ZNF680: variants seen among roughly 807,000 people sequenced by gnomAD.
ZNF680 encodes the protein hypothetical protein FLJ90430.
A neutral mutation model predicts 12.1 loss-of-function variants in ZNF680; 6 were observed. The ratio of observed to expected loss-of-function variants is 0.49; its 90% CI spans 0.27 to 0.98. The LOEUF is 0.98. ZNF680 is among the 50% of genes least tolerant of loss of function. The pLI, the probability that ZNF680 is intolerant of heterozygous loss-of-function variation, is 0.12. For missense variants in ZNF680, 561 were observed against 616.3 expected, an observed-to-expected ratio of 0.91 and a Z score of 0.95; for synonymous variants, 170 against 199.3, an observed-to-expected ratio of 0.85 and a Z score of 1.24.
downstream of ZNF680, among the ~76,000 whole-genome samples, chr7:64,515,597 A>G (rs534358552): frequency 2.0e-5 from 3 of 152,296 alleles, no homozygotes; most frequent in African/African-American, 2.4e-5. Context: ...GCAGGCACCA[A>G]TAAAAAAACA....
the ZNF680 span, among the ~76,000 whole-genome samples, chr7:64,513,899 C>T: frequency 6.6e-6 from 1 of 152,262 alleles, no homozygotes; most frequent in Admixed American, 6.5e-5. Context: ...CCTCCTAGGC[C>T]TCCCAAAGTG....
chr7:64,557,625 T>C (rs1295856742), intron 1 of ZNF680, among the ~76,000 whole-genome samples: 1 of 151,950 alleles, frequency 6.6e-6, no homozygotes, highest in Non-Finnish European at 1.5e-5. Context: ...CAATGGCTCA[T>C]GCCTGCAATC....
the ZNF680 span, among the ~76,000 whole-genome samples, chr7:64,509,665 G>A: frequency 6.6e-6 from 1 of 152,100 alleles, no homozygotes; most frequent in Non-Finnish European, 1.5e-5. Context: ...GGGTACCCTG[G>A]GAGCCTTTTG....
chr7:64,559,630 A>C (rs1787619491), intron 1 of ZNF680, among the ~76,000 whole-genome samples: 1 of 151,912 alleles, frequency 6.6e-6, no homozygotes. Context: ...ACAGGTGCCC[A>C]CTACCACATG....
chr7:64,559,844 C>T (rs1220237131), intron 1 of ZNF680, among the ~76,000 whole-genome samples: 1 of 151,994 alleles, frequency 6.6e-6, no homozygotes, highest in East Asian at 1.9e-4. Flanking sequence ...AAAAGTATTC[C>T]TTTTAGATAA....
intron 3 of ZNF680, among the ~76,000 whole-genome samples, chr7:64,534,003 C>T (rs969048172): frequency 2.0e-5 from 3 of 152,086 alleles, no homozygotes; most frequent in Non-Finnish European, 2.9e-5. Flanking sequence ...TCACCTTATA[C>T]AAAAATAAAC....
chr7:64,517,480 A>G (rs73128756), downstream of ZNF680, among the ~76,000 whole-genome samples: 34,273 of 151,972 alleles, frequency 0.23, 4,055 homozygotes, highest in South Asian at 0.28. Context: ...AAAGAAGTCC[A>G]AGACCAGACA....
At chr7:64,508,546 C>A in the ZNF680 span, among the ~76,000 whole-genome samples, 1 of 152,030 alleles carries the variant, frequency 6.6e-6, no homozygotes, top group Non-Finnish European at 1.5e-5. Flanking sequence ...ATGAAACAGA[C>A]GGGAATTACT....
chr7:64,547,438 C>A (rs1786843493), intron 1 of ZNF680, among the ~76,000 whole-genome samples: 1 of 152,212 alleles, frequency 6.6e-6, no homozygotes, highest in Admixed American at 6.5e-5. Context: ...TGGAAAACAA[C>A]ATGTACACAT....
intron 1 of ZNF680, among the ~76,000 whole-genome samples, chr7:64,560,115 GT>G (rs35323758): frequency 0.62 from 76,282 of 123,260 alleles, 21,477 homozygotes; most frequent in Middle Eastern, 0.74. Context: ...TTTCTTTTCT[GT>G]TTTTTTTTTT....
chr7:64,507,071 C>A, the ZNF680 span, among the ~76,000 whole-genome samples: 1 of 152,070 alleles, frequency 6.6e-6, no homozygotes, highest in Non-Finnish European at 1.5e-5. Flanking sequence ...TATATTAATT[C>A]TTTTAAAAAT....
At chr7:64,502,615 T>C in the ZNF680 span, among the ~76,000 whole-genome samples, 12 of 152,218 alleles carry the variant, frequency 7.9e-5, no homozygotes, top group East Asian at 1.9e-3. Flanking sequence ...ATACTGTGGG[T>C]TATTTTGTTA....
chr7:64,543,651 G>A (rs1786622537), intron 3 of ZNF680, 56 bp downstream of exon 3: 2 of 1,424,452 alleles, frequency 1.4e-6, no homozygotes, highest in Non-Finnish European at 1.9e-6. Context: ...CTTTCTCTTT[G>A]ACATCTGGAC....
At chr7:64,546,322 CCT>C (rs559692435) in intron 1 of ZNF680, among the ~76,000 whole-genome samples, 56 of 152,228 alleles carry the variant, frequency 3.7e-4, no homozygotes, top group South Asian at 2.5e-3. Flanking sequence ...GTCAGCACCC[CCT>C]GTTTACCTGC....
intron 1 of ZNF680, among the ~76,000 whole-genome samples, chr7:64,545,263 CAAAAAAAAAAAAAAAAA>C (rs532422147): frequency 3.8e-4 from 34 of 89,716 alleles, no homozygotes; most frequent in Non-Finnish European, 2.5e-4. Context: ...GACTCCATCT[CAAAAAAAAAAAAAAAAA>C]AAAAAAAAAA....
Position 64,557,799 on chromosome 7 carries a change from T to C in ZNF680, c.30+5126A>G, listed in dbSNP as rs148156093. On this transcript the variant is annotated intron_variant, in intron 1 of 3. Transcript: ENST00000309683. The stretch of plus-strand genomic sequence containing the variant: ...AGTTACTCAGAAGGCTGAGGCAGAA[T>C]TGCTTGAACCCCGGAGGCGGAGGAC... 2.9e-3 allele frequency among the ~76,000 whole-genome samples: 434 copies of C among 152,200 alleles called. 1 individual carries two copies. The highest frequency in any genetic ancestry group is 0.01 in the African/African-American group (419 of 41,538).
In ZNF680 at chr7:64,522,384, T is replaced by C. The variant is rs771993786; in HGVS notation, c.370A>G (p.Ile124Val). ...GACTCATCCACACTTTTACAACTTA[T>C]TCTTAATTGTAAATTCTCATGTCCA... ...KCGHENLQLRISCKSVDESKV... is the reference protein window; with the variant it reads ...KCGHENLQLRVSCKSVDESKV... Residue 124 changes from isoleucine (I) to valine (V), a missense_variant, in exon 4 of 4, where the codon ATA becomes GTA. Coordinates refer to ENST00000309683, the MANE Select transcript of ZNF680 (RefSeq NM_178558.5). 10 of 1,611,954 alleles carry C rather than the reference T, an allele frequency of 6.2e-6. No homozygotes were observed. The East Asian group carries it at 2.0e-4, about 32-fold the overall frequency.
chr7:64,516,174 G>A (rs1791350801), downstream of ZNF680, among the ~76,000 whole-genome samples: 1 of 152,108 alleles, frequency 6.6e-6, no homozygotes, highest in South Asian at 2.1e-4. Context: ...TTCTTCTTTT[G>A]CTTATTAAAC....
At chr7:64,528,083 C>A (rs1275206069) in intron 3 of ZNF680, among the ~76,000 whole-genome samples, 1 of 151,946 alleles carries the variant, frequency 6.6e-6, no homozygotes, top group African/African-American at 2.4e-5. Context: ...GCCGACCTTA[C>A]CTGGAGGTGA....
Sources: gnomAD v4.1 joint callset for allele counts (sites outside exome capture counted in the v4.1 genomes callset) on GRCh38, gnomAD v4.1.1 for gene constraint, MANE v1.5 for transcripts, NCBI Gene and HGNC (gene_info 2026-07-23, HGNC 2026-07-21) for gene names.